TAFA4: variants seen among roughly 807,000 people sequenced by gnomAD.
The protein encoded by TAFA4 is chemokine-like protein TAFA-4.
Under a neutral mutation model 21.1 loss-of-function variants are expected in TAFA4, and 20 were observed. That is an observed-to-expected ratio of 0.95 (90% CI 0.67 to 1.38). TAFA4 has a LOEUF of 1.38. TAFA4 is among the 40% of genes most tolerant of loss of function. The pLI is 0.00. For synonymous variants in TAFA4, 71 were observed against 67.4 expected (o/e 1.05, Z -0.26); for missense variants, 211 against 180.9 (o/e 1.17, Z -0.95).
chr3:68,896,651 T>C (rs577397923), intron 1 of TAFA4, among the ~76,000 whole-genome samples: 1 of 152,216 alleles, frequency 6.6e-6, no homozygotes, highest in Admixed American at 6.5e-5. Context: ...TATTGACTGC[T>C]TGTTCGCAGG....
intron 1 of TAFA4, among the ~76,000 whole-genome samples, chr3:68,906,598 T>C (rs12714749): frequency 3.9e-5 from 6 of 151,918 alleles, no homozygotes; most frequent in African/African-American, 1.2e-4. Flanking sequence ...TCCAGAGTCC[T>C]TCTCTTATCA....
chr3:68,741,637 A>G (rs1303946663), intron 4 of TAFA4, among the ~76,000 whole-genome samples: 1 of 151,664 alleles, frequency 6.6e-6, no homozygotes, highest in African/African-American at 2.4e-5. Context: ...TACTAAAAAT[A>G]AAAAAAAGCC....
chr3:68,757,947 C>G (rs74857622), intron 3 of TAFA4, among the ~76,000 whole-genome samples: 6,233 of 151,882 alleles, frequency 0.041, 464 homozygotes, highest in African/African-American at 0.14. Flanking sequence ...TTACAAATAT[C>G]CTGTGCAATC....
intron 3 of TAFA4, among the ~76,000 whole-genome samples, chr3:68,855,315 A>G (rs978594535): frequency 1.3e-5 from 2 of 152,218 alleles, no homozygotes; most frequent in African/African-American, 4.8e-5. Context: ...TACTTTATAC[A>G]TAATGGGAAG....
At chr3:68,917,753 CAAAAAAAAAA>C (rs55853026) in intron 1 of TAFA4, among the ~76,000 whole-genome samples, 1 of 58,188 alleles carries the variant, frequency 1.7e-5, no homozygotes, top group Non-Finnish European at 3.3e-5. Context: ...GACTCTGTCT[CAAAAAAAAAA>C]AAAAAAAAAA....
chr3:68,849,579 C>A (rs945984166), intron 3 of TAFA4, among the ~76,000 whole-genome samples: 1 of 152,162 alleles, frequency 6.6e-6, no homozygotes, highest in African/African-American at 2.4e-5. Flanking sequence ...TTGGACCCTT[C>A]GGACTAGCCC....
chr3:68,747,187 T>G (rs547368600), intron 4 of TAFA4, among the ~76,000 whole-genome samples: 1 of 152,334 alleles, frequency 6.6e-6, no homozygotes, highest in Non-Finnish European at 1.5e-5. Flanking sequence ...TCTTCCTTCC[T>G]GCCCCTACCA....
intron 3 of TAFA4, among the ~76,000 whole-genome samples, chr3:68,830,920 T>C (rs1026366330): frequency 2.6e-5 from 4 of 152,246 alleles, no homozygotes; most frequent in African/African-American, 4.8e-5. Flanking sequence ...TCTTGTTGAA[T>C]AGATCCCTTT....
In TAFA4 at chr3:68,842,309, T is replaced by C. The variant is rs569420401; in HGVS notation, c.130+38421A>G. ...TCTCTAATGGCCAGTAATGATGAGC[T>C]TTTTTTCATATGTTTGCTGGCCACA... On this transcript the variant is annotated intron_variant, in intron 3 of 5. Coordinates refer to ENST00000295569, the MANE Select transcript of TAFA4 (RefSeq NM_182522.5). Among the ~76,000 whole-genome samples, 8 of 152,300 alleles carry C rather than the reference T, an allele frequency of 5.3e-5. No individual in the cohort carries two copies. The South Asian group carries it at 1.5e-3, about 28-fold the overall frequency.
chr3:68,854,061 G>C (rs770200171), intron 3 of TAFA4, among the ~76,000 whole-genome samples: 1 of 151,990 alleles, frequency 6.6e-6, no homozygotes, highest in East Asian at 1.9e-4. Context: ...AAATATAATA[G>C]GATGTCATAT....
intron 3 of TAFA4, among the ~76,000 whole-genome samples, chr3:68,836,873 G>A (rs1704534915): frequency 1.3e-5 from 2 of 152,194 alleles, no homozygotes; most frequent in Non-Finnish European, 2.9e-5. Flanking sequence ...ATTCTCCTAG[G>A]ATTTGAATGA....
intron 3 of TAFA4, among the ~76,000 whole-genome samples, chr3:68,764,909 C>G (rs1336590796): frequency 6.6e-6 from 1 of 152,156 alleles, no homozygotes; most frequent in Non-Finnish European, 1.5e-5. Flanking sequence ...TGACACTGCC[C>G]TTCACTGACA....
chr3:68,826,641 C>T (rs1201290604), intron 3 of TAFA4, among the ~76,000 whole-genome samples: 1 of 150,784 alleles, frequency 6.6e-6, no homozygotes, highest in Admixed American at 6.6e-5. Flanking sequence ...TATAAGTGAG[C>T]ATGCATAAAT....
intron 3 of TAFA4, among the ~76,000 whole-genome samples, chr3:68,855,903 G>A (rs1414525352): frequency 6.6e-6 from 1 of 152,074 alleles, no homozygotes; most frequent in Non-Finnish European, 1.5e-5. Context: ...CAAGCTCACT[G>A]CCGTGTACCT....
At chr3:68,810,072 A>G (rs1363110063) in intron 3 of TAFA4, among the ~76,000 whole-genome samples, 2 of 152,190 alleles carry the variant, frequency 1.3e-5, no homozygotes, top group Non-Finnish European at 2.9e-5. Context: ...TTGTGGTTCC[A>G]CATGAATTTT....
intron 3 of TAFA4, among the ~76,000 whole-genome samples, chr3:68,758,342 CCCA>C (rs1279308743): frequency 2.0e-5 from 3 of 152,170 alleles, no homozygotes; most frequent in Admixed American, 6.5e-5. Flanking sequence ...TCCCACGATT[CCCA>C]CGTGTCATGG....
At chr3:68,851,740 A>C (rs777427762) in intron 3 of TAFA4, among the ~76,000 whole-genome samples, 2 of 152,240 alleles carry the variant, frequency 1.3e-5, no homozygotes, top group South Asian at 2.1e-4. Flanking sequence ...ACTCATTGAA[A>C]GGTTATAGTA....
chr3:68,795,127 A>G (rs530657466), intron 3 of TAFA4, among the ~76,000 whole-genome samples: 3 of 151,874 alleles, frequency 2.0e-5, no homozygotes, highest in Middle Eastern at 3.4e-3. Flanking sequence ...TTCCATAGTT[A>G]TTCAGATAAA....
chr3:68,882,426 C>T (rs903204521), intron 2 of TAFA4, among the ~76,000 whole-genome samples: 1 of 152,148 alleles, frequency 6.6e-6, no homozygotes, highest in Non-Finnish European at 1.5e-5. Context: ...CTGGCATCCC[C>T]GGGCTCACAT....
Sources: gnomAD v4.1 joint callset for allele counts (sites outside exome capture counted in the v4.1 genomes callset) on GRCh38, gnomAD v4.1.1 for gene constraint, MANE v1.5 for transcripts, NCBI Gene and HGNC (gene_info 2026-07-23, HGNC 2026-07-21) for gene names.